Variants in PTPRD observed in about 807,000 individuals in gnomAD.
The protein encoded by PTPRD is protein tyrosine phosphatase receptor type D.
PTPRD carries 34 observed loss-of-function variants against 214.5 expected under a neutral mutation model. That is an observed-to-expected ratio of 0.16 (90% CI 0.12 to 0.21). The LOEUF is 0.21. PTPRD is among the 10% of genes least tolerant of loss of function. PTPRD has a pLI of 1.00. For missense variants in PTPRD, 2,545 were observed against 2,398.7 expected (o/e 1.06, Z -1.27); for synonymous variants, 1,128 against 845.7 (o/e 1.33, Z -5.79).
intron 9 of PTPRD, among the ~76,000 whole-genome samples, chr9:9,211,122 C>T (rs927197621): frequency 6.6e-6 from 1 of 151,738 alleles, no homozygotes; most frequent in African/African-American, 2.4e-5. Context: ...TACATTCTGG[C>T]ATTTTTTTCC....
chr9:9,842,141 A>G (rs1213729455), intron 5 of PTPRD, among the ~76,000 whole-genome samples: 1 of 151,944 alleles, frequency 6.6e-6, no homozygotes, highest in African/African-American at 2.4e-5. Flanking sequence ...AGTGAAAACT[A>G]AGAAGAATAT....
chr9:9,793,157 T>C lies in PTPRD; in HGVS notation c.-367-26306A>G, dbSNP rs972510237. Reference sequence around the variant, plus strand: ...GACCTGAAATTCCATTATTTTGCCATGACAAAATTATTTTTAGTCTCCTAT... The same window carrying C: ...GACCTGAAATTCCATTATTTTGCCACGACAAAATTATTTTTAGTCTCCTAT... On this transcript the variant is annotated intron_variant, in intron 5 of 45. Transcript: ENST00000381196. Among the ~76,000 whole-genome samples the C allele has an allele frequency of 3.9e-5, 6 of 152,138 alleles. No homozygotes were observed. In the South Asian group the frequency reaches 8.3e-4, roughly 21 times the overall value.
At chr9:9,866,854 T>C (rs1037054222) in intron 5 of PTPRD, among the ~76,000 whole-genome samples, 1 of 152,180 alleles carries the variant, frequency 6.6e-6, no homozygotes, top group African/African-American at 2.4e-5. Context: ...TCAACATAAC[T>C]GGAAAATAGT....
chr9:10,060,002 T>A lies in PTPRD; in HGVS notation c.-544-26212A>T, dbSNP rs76173467. On this transcript the variant is annotated intron_variant, in intron 3 of 45. Coordinates refer to ENST00000381196, the MANE Select transcript of PTPRD (RefSeq NM_002839.4). ...TACTCCTTCTAATATTAGTGTTGAC[T>A]ATCAACCAATGAAAAAATCTTTATG... Among the ~76,000 whole-genome samples the A allele has an allele frequency of 3.2e-4, 49 of 152,180 alleles. No homozygotes were observed. The East Asian group carries it at 8.3e-3, about 26-fold the overall frequency.
intron 10 of PTPRD, among the ~76,000 whole-genome samples, chr9:9,171,090 C>T (rs373586725): frequency 6.6e-6 from 1 of 152,142 alleles, no homozygotes; most frequent in East Asian, 1.9e-4. Context: ...ATAAACATTA[C>T]AAATTGAAAG....
At chr9:8,388,426 T>G (rs2088049403) in intron 37 of PTPRD, among the ~76,000 whole-genome samples, 1 of 152,204 alleles carries the variant, frequency 6.6e-6, no homozygotes, top group Non-Finnish European at 1.5e-5. Context: ...ATCTGCTGTC[T>G]TCAATGAAGT....
intron 4 of PTPRD, among the ~76,000 whole-genome samples, chr9:10,011,929 TG>T (rs1476662133): frequency 6.6e-6 from 1 of 151,996 alleles, no homozygotes; most frequent in African/African-American, 2.4e-5. Flanking sequence ...CCATTGTGTC[TG>T]GCCAGTGGTA....
chr9:8,930,308 T>C (rs2098943468), intron 11 of PTPRD, among the ~76,000 whole-genome samples: 1 of 152,126 alleles, frequency 6.6e-6, no homozygotes, highest in African/African-American at 2.4e-5. Flanking sequence ...TTTTAATGGC[T>C]GCATAGTATT....
At chr9:9,799,133 A>G (rs1024722848) in intron 5 of PTPRD, among the ~76,000 whole-genome samples, 1 of 152,208 alleles carries the variant, frequency 6.6e-6, no homozygotes, top group Non-Finnish European at 1.5e-5. Context: ...TCCAATTTAT[A>G]TATTTTAAAA....
chr9:9,616,183 G>T (rs1259391293), intron 7 of PTPRD, among the ~76,000 whole-genome samples: 3 of 152,200 alleles, frequency 2.0e-5, no homozygotes, highest in African/African-American at 7.2e-5. Context: ...ACATACAGAG[G>T]TCTCGTTACA....
chr9:8,900,392 G>T (rs2098658179), intron 11 of PTPRD, among the ~76,000 whole-genome samples: 1 of 152,102 alleles, frequency 6.6e-6, no homozygotes, highest in Admixed American at 6.6e-5. Context: ...AGTTTTAATT[G>T]CTCATCTAAA....
intron 3 of PTPRD, among the ~76,000 whole-genome samples, chr9:10,100,042 G>T (rs2098536709): frequency 1.3e-5 from 2 of 151,628 alleles, no homozygotes; most frequent in Non-Finnish European, 3.0e-5. Context: ...GTGTGAGTAT[G>T]CATATGGGTA....
intron 11 of PTPRD, among the ~76,000 whole-genome samples, chr9:8,991,344 A>G (rs931866218): frequency 2.6e-5 from 4 of 151,974 alleles, no homozygotes; most frequent in South Asian, 2.1e-4. Flanking sequence ...TTGTTAACCT[A>G]TCTTTTGTTA....
At chr9:9,293,013 A>G (rs1051035086) in intron 9 of PTPRD, among the ~76,000 whole-genome samples, 3 of 151,528 alleles carry the variant, frequency 2.0e-5, no homozygotes, top group African/African-American at 7.3e-5. Flanking sequence ...TTCTCTACCA[A>G]AAAATATTCC....
rs564445840 is a variant in PTPRD, at chr9:9,657,852, A to G, written c.-287+76681T>C. Among the ~76,000 whole-genome samples the G allele has an allele frequency of 3.1e-4, 47 of 152,324 alleles. 1 individual carries two copies. Among genetic ancestry groups the G allele is most frequent in the Non-Finnish European group, 5.3e-4 (36 of 68,034 alleles). On this transcript the variant is annotated intron_variant, in intron 7 of 45. Coordinates refer to ENST00000381196, the MANE Select transcript of PTPRD (RefSeq NM_002839.4). The stretch of plus-strand genomic sequence containing the variant: ...AGTAACACAAATGGACAAAACCTCC[A>G]TAAGTACCTAGTTGAGGAGTGCAAT...
chr9:9,355,201 T>A (rs58687110), intron 9 of PTPRD, among the ~76,000 whole-genome samples: 3,391 of 151,846 alleles, frequency 0.022, 117 homozygotes, highest in African/African-American at 0.077. Context: ...GGTCCTTTAT[T>A]TTCTGGTTTT....
chr9:8,469,815 G>C (rs2096617264), intron 31 of PTPRD, among the ~76,000 whole-genome samples: 1 of 151,976 alleles, frequency 6.6e-6, no homozygotes, highest in East Asian at 1.9e-4. Context: ...GTCTGAACAC[G>C]ATCAAATTTA....
intron 8 of PTPRD, among the ~76,000 whole-genome samples, chr9:9,532,975 T>A (rs189967823): frequency 6.6e-6 from 1 of 152,276 alleles, no homozygotes; most frequent in Admixed American, 6.5e-5. Context: ...CATCAAATAA[T>A]AGTGAAGAAT....
chr9:9,405,247 T>C (rs963035004), intron 8 of PTPRD, among the ~76,000 whole-genome samples: 12 of 152,114 alleles, frequency 7.9e-5, no homozygotes, highest in Non-Finnish European at 1.8e-4. Context: ...TAGTTGCAGC[T>C]TAATATTTTT....
Sources: allele counts gnomAD v4.1 joint callset (sites outside exome capture counted in the v4.1 genomes callset), GRCh38; gene constraint gnomAD v4.1.1; transcripts MANE v1.5; gene names NCBI Gene and HGNC (gene_info 2026-07-23, HGNC 2026-07-21).